VWC2: variants seen among roughly 807,000 people sequenced by gnomAD.
VWC2 encodes the protein brorin.
In VWC2, 14 loss-of-function variants were observed where a neutral mutation model predicts 29.8. The ratio of observed to expected loss-of-function variants is 0.47; its 90% CI spans 0.31 to 0.74. VWC2 has a LOEUF of 0.74. Ranked by LOEUF, VWC2 falls within the 30% of genes least tolerant of loss-of-function variation. The pLI is 0.05. For missense variants in VWC2, 457 were observed against 459.8 expected (o/e 0.99, Z 0.05); for synonymous variants, 213 against 199.0 (o/e 1.07, Z -0.59).
chr7:49,854,557 G>T (rs1360247153), intron 3 of VWC2, among the ~76,000 whole-genome samples: 2 of 152,182 alleles, frequency 1.3e-5, no homozygotes, highest in East Asian at 3.8e-4. Context: ...TTTTGATGGG[G>T]TTGTTAGTTT....
chr7:49,870,353 T>C (rs1353100695), intron 3 of VWC2, among the ~76,000 whole-genome samples: 2 of 152,044 alleles, frequency 1.3e-5, no homozygotes, highest in Admixed American at 6.5e-5. Context: ...TGAGCGAAGA[T>C]TGCGCCACTG....
chr7:49,897,442 A>T (rs1159027008), intron 3 of VWC2, among the ~76,000 whole-genome samples: 2 of 152,216 alleles, frequency 1.3e-5, no homozygotes, highest in Non-Finnish European at 1.5e-5. Context: ...ATTGCATGCC[A>T]AGAACAAGGG....
intron 2 of VWC2, among the ~76,000 whole-genome samples, chr7:49,780,891 A>G (rs1475127206): frequency 6.6e-6 from 1 of 152,134 alleles, no homozygotes; most frequent in African/African-American, 2.4e-5. Flanking sequence ...GCAAAATCTT[A>G]TTTCTAGGTT....
At chr7:49,870,357 G>A (rs4917095) in intron 3 of VWC2, among the ~76,000 whole-genome samples, 92,500 of 152,050 alleles carry the variant, frequency 0.61, 29,603 homozygotes, top group East Asian at 0.88. Context: ...CGAAGATTGC[G>A]CCACTGCACT....
chr7:49,801,747 C>T (rs1298222945), intron 2 of VWC2, among the ~76,000 whole-genome samples: 3 of 152,276 alleles, frequency 2.0e-5, no homozygotes, highest in African/African-American at 7.2e-5. Context: ...CTTGTGCTCA[C>T]AGGACAGACA....
intron 3 of VWC2, among the ~76,000 whole-genome samples, chr7:49,877,751 T>C (rs1298731030): frequency 2.7e-5 from 4 of 150,670 alleles, no homozygotes; most frequent in African/African-American, 9.8e-5. Context: ...TTTTCAGGTG[T>C]CAGCTGCTTT....
intron 2 of VWC2, 98 bp downstream of exon 2, chr7:49,776,229 C>T: frequency 8.9e-7 from 1 of 1,125,476 alleles, no homozygotes; most frequent in Non-Finnish European, 1.2e-6. Context: ...GAGGTGCTCT[C>T]TGGTTCTGAG....
rs779080563 is a variant in VWC2 at position 49,802,733 on chromosome 7, G to A, written c.719G>A (p.Arg240His). The change falls in exon 3 of 4, where the codon CGC (arginine) becomes CAC (histidine). Residue 240 changes from arginine (R) to histidine (H), a missense_variant. Arg to His is a conservative substitution (Grantham distance 29). Transcript: ENST00000340652. ...EFVVSPCERC[R>H]CEANGEVLCT... ...CAGGTGTCTCCATGCGAGAGGTGTC[G>A]CTGTGAAGCCAACGGTGAGGTGCTA... 1.3e-5 allele frequency: 21 copies of A among 1,614,086 alleles called. No homozygotes were observed. Among genetic ancestry groups the A allele is most frequent in the Middle Eastern group, 3.3e-4 (2 of 6,084 alleles).
chr7:49,876,051 A>G (rs921897267), intron 3 of VWC2, among the ~76,000 whole-genome samples: 1 of 152,180 alleles, frequency 6.6e-6, no homozygotes, highest in Non-Finnish European at 1.5e-5. Context: ...CTGTGTATCA[A>G]GTATCAAAAT....
intron 2 of VWC2, among the ~76,000 whole-genome samples, chr7:49,789,916 G>A (rs564320192): frequency 5.1e-4 from 77 of 152,348 alleles, no homozygotes; most frequent in African/African-American, 1.8e-3. Context: ...GCTCCGGGGG[G>A]CCCTACGGCC....
chr7:49,803,867 T>G (rs1408215134), intron 3 of VWC2, among the ~76,000 whole-genome samples: 1 of 152,164 alleles, frequency 6.6e-6, no homozygotes, highest in Non-Finnish European at 1.5e-5. Context: ...CCTGTACATA[T>G]CCAGATTTTA....
chr7:49,774,271 G>A (rs1271777504), intron 1 of VWC2, among the ~76,000 whole-genome samples, 158 bp downstream of exon 1: 1 of 152,080 alleles, frequency 6.6e-6, no homozygotes, highest in Non-Finnish European at 1.5e-5. Flanking sequence ...CCAGTGTTGA[G>A]GTCGGCAGGG....
intron 3 of VWC2, among the ~76,000 whole-genome samples, chr7:49,902,554 CAAA>C (rs34786165): frequency 1.1e-4 from 12 of 106,630 alleles, no homozygotes; most frequent in Admixed American, 2.0e-4. Flanking sequence ...TATCCGTAGC[CAAA>C]AAAAAAAAAA....
At chr7:49,842,349 C>T (rs758033303) in intron 3 of VWC2, among the ~76,000 whole-genome samples, 2 of 152,170 alleles carry the variant, frequency 1.3e-5, no homozygotes, top group Non-Finnish European at 2.9e-5. Context: ...CTTTAACTTA[C>T]TTAAAAGTTA....
chr7:49,871,574 C>T (rs1791148420), intron 3 of VWC2, among the ~76,000 whole-genome samples: 1 of 151,922 alleles, frequency 6.6e-6, no homozygotes, highest in Non-Finnish European at 1.5e-5. Flanking sequence ...ATTAGTATCT[C>T]ATTTTTCCTA....
Position 49,848,478 on chromosome 7 carries a change from G to A in VWC2, c.826+45638G>A, listed in dbSNP as rs370591799. 1.5e-3 allele frequency among the ~76,000 whole-genome samples: 235 copies of A among 152,350 alleles called. 3 individuals are homozygous for A. The highest frequency in any genetic ancestry group is 5.4e-3 in the African/African-American group (224 of 41,590). ...GTTTCCAGCCCACCTGCCCAGGGTC[G>A]GCTGTGGGCCATAGGAACTGTTGCT... On this transcript the variant is annotated intron_variant, in intron 3 of 3. Coordinates refer to ENST00000340652, the MANE Select transcript of VWC2 (RefSeq NM_198570.5).
intron 2 of VWC2, among the ~76,000 whole-genome samples, chr7:49,788,506 AGTGT>A (rs970558480): frequency 1.8e-4 from 26 of 147,092 alleles, no homozygotes; most frequent in Admixed American, 4.0e-4. Context: ...AGTGTGTATG[AGTGT>A]GTGTGAGTGT....
chr7:49,788,816 G>A (rs1214830857), intron 2 of VWC2, among the ~76,000 whole-genome samples: 1 of 148,782 alleles, frequency 6.7e-6, no homozygotes, highest in Non-Finnish European at 1.5e-5. Flanking sequence ...GGGTGCGTGT[G>A]AGAGTGGATA....
chr7:49,912,085 A>C lies in VWC2; in HGVS notation c.878A>C (p.Lys293Thr). ...TAVIPAGREV[K>T]TDECTICHCT... is the part of the protein sequence containing the mutation. ...GTGATCCCTGCTGGCAGAGAAGTGA[A>C]GACTGACGAGTGCACCATATGCCAC... The change falls in exon 4 of 4, where the codon AAG becomes ACG. Residue 293 changes from lysine to threonine, a missense_variant. Lys to Thr is a moderately conservative substitution (Grantham distance 78). Around this residue, in one of 2 missense-constraint regions of VWC2, gnomAD observed 185 missense variants for 257.1 expected, o/e 0.72. Coordinates refer to ENST00000340652, the MANE Select transcript of VWC2 (RefSeq NM_198570.5). 1 of 1,614,180 alleles carries C rather than the reference A, an allele frequency of 6.2e-7. No individual in the cohort carries two copies. Among genetic ancestry groups the C allele is most frequent in the Non-Finnish European group, 8.5e-7 (1 of 1,180,016 alleles).
Sources: allele counts gnomAD v4.1 joint callset (sites outside exome capture counted in the v4.1 genomes callset), GRCh38; gene constraint gnomAD v4.1.1; regional missense constraint gnomAD v4.1.1; transcripts MANE v1.5; gene names NCBI Gene and HGNC (gene_info 2026-07-23, HGNC 2026-07-21).